SATB1: variants seen among roughly 807,000 people sequenced by gnomAD.
The protein encoded by SATB1 is DNA-binding protein SATB1.
A neutral mutation model predicts 86.9 loss-of-function variants in SATB1; 11 were observed. That is an observed-to-expected ratio of 0.13 (90% CI 0.08 to 0.21). The LOEUF is 0.21. SATB1 is among the 10% of genes least tolerant of loss of function. The pLI is 1.00. For missense variants in SATB1, 551 were observed against 937.6 expected, an observed-to-expected ratio of 0.59 and a Z score of 5.39; for synonymous variants, 357 against 357.2, an observed-to-expected ratio of 1.00 and a Z score of 0.01.
Position 18,417,092 on chromosome 3 carries a change from G to A in SATB1, c.212-14C>T. The A allele has an allele frequency of 6.2e-7, 1 of 1,608,162 alleles. No homozygotes were observed. The highest frequency in any genetic ancestry group is 8.5e-7 in the Non-Finnish European group (1 of 1,178,252). On this transcript the variant is annotated splice_polypyrimidine_tract_variant and intron_variant, in intron 2 of 10. Transcript: ENST00000338745. ...GCAGCATGGTTCCTATCAAAAAGAT[G>A]AAGAAGAAGAGATGGAAAACCAACA...
chr3:18,349,372 C>T lies in SATB1; in HGVS notation c.2090G>A (p.Arg697Gln), dbSNP rs1450576613. 3.7e-6 allele frequency: 6 copies of T among 1,613,976 alleles called. No homozygotes were observed. The highest frequency in any genetic ancestry group is 1.7e-5 in the Admixed American group (1 of 59,986). ...TTTGCCGTGGTGCTTGAGATAGTACCGCTGGTTCTGAAAGAACTTGATGAT... is the reference window on the plus strand; with the variant it reads ...TTTGCCGTGGTGCTTGAGATAGTACTGCTGGTTCTGAAAGAACTTGATGAT... Reference protein sequence around the residue: ...YTIIKFFQNQRYYLKHHGKLK... With the variant: ...YTIIKFFQNQQYYLKHHGKLK... Residue 697 changes from arginine to glutamine, a missense_variant, in exon 11 of 11, where the codon CGG (arginine) becomes CAG (glutamine). This residue lies in a region of SATB1 where 33 missense variants were observed against 85.4 expected (regional missense o/e 0.39). Transcript: ENST00000338745. This position sits in a 1 kb window ranked among gnomAD's most constrained non-coding sequence, Gnocchi z 5.5.
intron 8 of SATB1, among the ~76,000 whole-genome samples, chr3:18,382,251 T>G (rs1310642143): frequency 1.3e-5 from 2 of 152,014 alleles, no homozygotes; most frequent in Non-Finnish European, 2.9e-5. Context: ...GGTAATTACA[T>G]AAAGAGATGT....
intron 5 of SATB1, among the ~76,000 whole-genome samples, chr3:18,413,164 T>C (rs1697946004): frequency 6.6e-6 from 1 of 152,040 alleles, no homozygotes; most frequent in Admixed American, 6.6e-5. Flanking sequence ...CAAAACCAAG[T>C]CCTGAATTAC....
chr3:18,369,411 A>G (rs1367917542), intron 9 of SATB1, among the ~76,000 whole-genome samples: 1 of 152,106 alleles, frequency 6.6e-6, no homozygotes, highest in Non-Finnish European at 1.5e-5. Flanking sequence ...ATAAAAATGG[A>G]ATTTGATGAA....
intron 9 of SATB1, among the ~76,000 whole-genome samples, chr3:18,355,113 C>T (rs951713089): frequency 6.6e-6 from 1 of 151,896 alleles, no homozygotes; most frequent in Non-Finnish European, 1.5e-5. Context: ...AAATATTTAA[C>T]GGTGCAGCTG....
At chr3:18,388,367 T>G (rs1162645478) in intron 7 of SATB1, among the ~76,000 whole-genome samples, 2 of 152,144 alleles carry the variant, frequency 1.3e-5, no homozygotes, top group Non-Finnish European at 2.9e-5. Flanking sequence ...AAATAACCCT[T>G]GCTCTTTACT....
At chr3:18,399,262 T>G (rs1697122020) in intron 5 of SATB1, among the ~76,000 whole-genome samples, 1 of 152,138 alleles carries the variant, frequency 6.6e-6, no homozygotes, top group Non-Finnish European at 1.5e-5. Context: ...GCACACCTAC[T>G]ATATGCCTGG....
chr3:18,378,044 G>A, intron 9 of SATB1, 126 bp downstream of exon 9: 1 of 825,426 alleles, frequency 1.2e-6, no homozygotes, highest in Admixed American at 3.2e-5. Context: ...TTAGAGCTCT[G>A]GAAATAATCC....
At chr3:18,418,054 G>A (rs549826394) in intron 2 of SATB1, among the ~76,000 whole-genome samples, 80 of 152,188 alleles carry the variant, frequency 5.3e-4, no homozygotes, top group Non-Finnish European at 9.9e-4. Flanking sequence ...CAATGATAAC[G>A]GAAAAGGGTT....
Position 18,444,976 on chromosome 3 carries a change from C to G in SATB1, c.-25+542G>C, listed in dbSNP as rs1225466563. On this transcript the variant is annotated intron_variant, in intron 1 of 3. Transcript: ENST00000415069. The surrounding 1 kb of genome is among the most constrained non-coding windows in gnomAD (Gnocchi z 5.1). ...GGGGAAGGGGCCGGCGGGAGCTGCT[C>G]TCGTCTCGTCGGTCGCGGCGCCTGC... 1 of 153,868 alleles carries G rather than the reference C, an allele frequency of 6.5e-6. No individual in the cohort carries two copies. The highest frequency in any genetic ancestry group is 2.5e-5 in the African/African-American group (1 of 40,512). 9.5% of individuals were successfully genotyped at this position (153,868 alleles called of 1,614,324 possible).
intron 9 of SATB1, among the ~76,000 whole-genome samples, chr3:18,366,832 C>T (rs1223596625): frequency 6.6e-6 from 1 of 152,116 alleles, no homozygotes; most frequent in Non-Finnish European, 1.5e-5. Flanking sequence ...GTAAATAACC[C>T]TTCTTGGCTC....
Position 18,410,043 on chromosome 3 carries a change from T to C in SATB1, c.639+5068A>G, listed in dbSNP as rs540848923. 4.6e-5 allele frequency among the ~76,000 whole-genome samples: 7 copies of C among 152,188 alleles called. No homozygotes were observed. The East Asian group carries it at 1.4e-3, about 30-fold the overall frequency. On this transcript the variant is annotated intron_variant, in intron 5 of 10. Transcript: ENST00000338745. ...AAAGAGAAGTAACTGCACAGAACTA[T>C]ACCGGCAAATCTTCTGGAACGTCCC...
chr3:18,362,132 T>G (rs1170197637), intron 9 of SATB1, among the ~76,000 whole-genome samples: 1 of 152,126 alleles, frequency 6.6e-6, no homozygotes, highest in African/African-American at 2.4e-5. Context: ...TCTCTTGAAT[T>G]TGTTCCTTCT....
chr3:18,397,156 G>A (rs774243883), intron 6 of SATB1, 23 bp downstream of exon 6: 44 of 1,302,226 alleles, frequency 3.4e-5, no homozygotes, highest in Middle Eastern at 1.8e-4. Context: ...TGTAGCCACT[G>A]CTGCAATGTT....
chr3:18,425,704 C>T (rs1232147941), upstream of SATB1, among the ~76,000 whole-genome samples: 1 of 151,318 alleles, frequency 6.6e-6, no homozygotes, highest in Non-Finnish European at 1.5e-5. Flanking sequence ...CCGCCAGACG[C>T]GCCAGGGAGG....
chr3:18,366,871 A>AC (rs1183115939), intron 9 of SATB1, among the ~76,000 whole-genome samples: 4 of 152,012 alleles, frequency 2.6e-5, no homozygotes, highest in Admixed American at 2.6e-4. Context: ...TTTTCCGCCT[A>AC]CCCCCCAAAC....
In SATB1 at chr3:18,424,659, C is replaced by G. The variant is rs144736489; in HGVS notation, c.-1057G>C. 0.022 allele frequency: 3,353 copies of G among 152,352 alleles called. 57 individuals are homozygous for G. The highest frequency in any genetic ancestry group is 0.037 in the Middle Eastern group (11 of 296). The allele number at this position is 152,352 out of a possible 1,614,324, so 9.4% of individuals were successfully genotyped here. A position where few individuals can be genotyped will look rare whatever the true frequency, so the allele number is the denominator to read the frequency against. On this transcript the variant is annotated 5_prime_UTR_variant, in exon 1 of 11. Transcript: ENST00000338745. ...CCTAGGCAGCGACAAACTCCCCGCC[C>G]CCTCCCCCCAAAAAGTCGCCAAGCT...
chr3:18,362,685 C>T (rs1395093384), intron 9 of SATB1, among the ~76,000 whole-genome samples: 1 of 151,790 alleles, frequency 6.6e-6, no homozygotes, highest in Non-Finnish European at 1.5e-5. Context: ...GGAAACTTTA[C>T]TTTTCCTAAA....
chr3:18,423,561 A>G (rs888484829), intron 1 of SATB1, 66 bp downstream of exon 1: 1 of 152,146 alleles, frequency 6.6e-6, no homozygotes, highest in Non-Finnish European at 1.5e-5. Context: ...GAAGCAAAGT[A>G]CTATCTAGAA....
Sources: allele counts gnomAD v4.1 joint callset (sites outside exome capture counted in the v4.1 genomes callset), GRCh38; gene constraint gnomAD v4.1.1; regional missense constraint gnomAD v4.1.1; non-coding constraint Gnocchi (gnomAD v3.1); transcripts MANE v1.5; gene names NCBI Gene and HGNC (gene_info 2026-07-23, HGNC 2026-07-21).